The following CNTNAP2 variants were observed in gnomAD, a reference collection of about 807,000 sequenced individuals.
CNTNAP2 encodes the protein contactin associated protein 2, also known as contactin-associated protein-like 2.
CNTNAP2 carries 98 observed loss-of-function variants against 155.2 expected under a neutral mutation model. The ratio of observed to expected loss-of-function variants is 0.63; its 90% CI spans 0.54 to 0.75. The LOEUF is 0.75. Among genes scored for constraint, CNTNAP2 ranks in the 30% least tolerant of loss-of-function variants. The probability of loss-of-function intolerance (pLI) is 0.00; values close to 1 mark genes in which losing one functional copy is unlikely to be tolerated. For synonymous variants in CNTNAP2, 651 were observed against 631.2 expected (o/e 1.03, Z -0.47); for missense variants, 1,727 against 1,688.1 (o/e 1.02, Z -0.40).
chr7:148,148,061 G>GGAAAGGAAGGAA, intron 17 of CNTNAP2, among the ~76,000 whole-genome samples: 1 of 149,382 alleles, frequency 6.7e-6, no homozygotes, highest in East Asian at 2.0e-4. Flanking sequence ...CTGTGTGGAA[G>GGAAAGGAAGGAA]GAAAGGAAGG....
At chr7:147,345,080 G>A (rs1795831302) in intron 9 of CNTNAP2, among the ~76,000 whole-genome samples, 1 of 152,048 alleles carries the variant, frequency 6.6e-6, no homozygotes, top group East Asian at 1.9e-4. Context: ...ATTTAAGTAT[G>A]TGCCATGGGT....
At chr7:147,676,283 G>A (rs192917004) in intron 13 of CNTNAP2, among the ~76,000 whole-genome samples, 1 of 152,090 alleles carries the variant, frequency 6.6e-6, no homozygotes, top group Admixed American at 6.6e-5. Context: ...TTAGCAGTTA[G>A]CATTTAGTGT....
chr7:146,686,705 A>G (rs1368982924), intron 1 of CNTNAP2, among the ~76,000 whole-genome samples: 4 of 152,216 alleles, frequency 2.6e-5, no homozygotes, highest in African/African-American at 9.6e-5. Flanking sequence ...GGCTTGTCAC[A>G]TGGTTCTTAG....
At chr7:147,795,432 C>T (rs1268958512) in intron 13 of CNTNAP2, among the ~76,000 whole-genome samples, 4 of 152,014 alleles carry the variant, frequency 2.6e-5, no homozygotes, top group Non-Finnish European at 4.4e-5. Flanking sequence ...TTTATTACTG[C>T]TTTCACTGCA....
chr7:148,016,444 T>C (rs968142587), intron 15 of CNTNAP2, among the ~76,000 whole-genome samples: 1 of 152,166 alleles, frequency 6.6e-6, no homozygotes, highest in Admixed American at 6.5e-5. Context: ...TGACACCAGC[T>C]CCTGCACAGT....
At chr7:147,415,135 C>G (rs1277684025) in intron 10 of CNTNAP2, among the ~76,000 whole-genome samples, 2 of 152,010 alleles carry the variant, frequency 1.3e-5, no homozygotes, top group Non-Finnish European at 2.9e-5. Flanking sequence ...ATACCTCCCT[C>G]AAAATGTGGT....
intron 13 of CNTNAP2, among the ~76,000 whole-genome samples, chr7:147,822,822 G>C (rs1235893366): frequency 6.6e-6 from 1 of 152,152 alleles, no homozygotes; most frequent in Non-Finnish European, 1.5e-5. Context: ...GCCGTTTAAG[G>C]TGTGAGCTTT....
chr7:146,222,450 T>C (rs1331989774), intron 1 of CNTNAP2, among the ~76,000 whole-genome samples: 1 of 151,918 alleles, frequency 6.6e-6, no homozygotes, highest in Admixed American at 6.6e-5. Context: ...ATGGAATTCC[T>C]GGTAGAGAGG....
intron 10 of CNTNAP2, among the ~76,000 whole-genome samples, chr7:147,399,424 T>C (rs1334814575): frequency 6.6e-6 from 1 of 152,102 alleles, no homozygotes; most frequent in Non-Finnish European, 1.5e-5. Context: ...AGTAGTGAGA[T>C]GTGGCCAATT....
intron 3 of CNTNAP2, among the ~76,000 whole-genome samples, chr7:146,955,667 C>T (rs185303546): frequency 6.6e-6 from 1 of 151,930 alleles, no homozygotes; most frequent in South Asian, 2.1e-4. Context: ...CTTTTAAGAG[C>T]ATGTTACAAT....
intron 13 of CNTNAP2, among the ~76,000 whole-genome samples, chr7:147,726,586 G>C (rs897974313): frequency 1.3e-5 from 2 of 151,928 alleles, no homozygotes; most frequent in East Asian, 1.9e-4. Context: ...CAGCAGCAAG[G>C]GTCCGAGAAG....
At chr7:146,624,750 A>G (rs1035754019) in intron 1 of CNTNAP2, among the ~76,000 whole-genome samples, 1 of 151,946 alleles carries the variant, frequency 6.6e-6, no homozygotes, top group African/African-American at 2.4e-5. Context: ...GTTTGTTAAT[A>G]TCAGTAAGAT....
At chr7:147,403,868 C>G (rs189995341) in intron 10 of CNTNAP2, among the ~76,000 whole-genome samples, 136 of 152,100 alleles carry the variant, frequency 8.9e-4, no homozygotes, top group Admixed American at 2.0e-3. Flanking sequence ...GTTTTTATGA[C>G]AGATTTCCTT....
intron 3 of CNTNAP2, among the ~76,000 whole-genome samples, chr7:147,025,485 CGG>C (rs1798900336): frequency 1.7e-4 from 1 of 5,810 alleles, no homozygotes; most frequent in Non-Finnish European, 2.9e-4. Flanking sequence ...GGGGAGGGGA[CGG>C]GAGGGGAGGG....
At chr7:146,584,714 T>A (rs1006173050) in intron 1 of CNTNAP2, among the ~76,000 whole-genome samples, 1 of 152,202 alleles carries the variant, frequency 6.6e-6, no homozygotes, top group African/African-American at 2.4e-5. Flanking sequence ...TGTGTCTCAG[T>A]GGCCTGACCG....
chr7:148,149,387 A>T (rs1805254753), intron 17 of CNTNAP2, among the ~76,000 whole-genome samples: 1 of 152,218 alleles, frequency 6.6e-6, no homozygotes, highest in African/African-American at 2.4e-5. Flanking sequence ...GAACCATGGA[A>T]TATAAGGGAT....
rs1301597377 is a variant in CNTNAP2, at chr7:147,575,345, CTGTG to C, written c.1897+13094_1897+13097del. On this transcript the variant is annotated intron_variant, in intron 12 of 23. Transcript: ENST00000361727. ...TGTGTGTGTGTGTGTGTGTGAGAGA[CTGTG>C]TGTGTATTCCCTAGCTTTAGGGGTG... 4.2e-5 allele frequency among the ~76,000 whole-genome samples: 3 copies of C among 71,094 alleles called. No homozygotes were observed. In the South Asian group the frequency reaches 1.4e-3, roughly 32 times the overall value. 46.6% of individuals were successfully genotyped at this position (71,094 alleles called of 152,430 possible).
At chr7:146,732,344 T>G (rs1801540421) in intron 1 of CNTNAP2, among the ~76,000 whole-genome samples, 1 of 152,202 alleles carries the variant, frequency 6.6e-6, no homozygotes, top group African/African-American at 2.4e-5. Flanking sequence ...TTGTTTCAAC[T>G]TACCATAAAT....
chr7:147,599,368 A>G (rs1385462801), intron 12 of CNTNAP2, among the ~76,000 whole-genome samples: 1 of 151,830 alleles, frequency 6.6e-6, no homozygotes, highest in African/African-American at 2.4e-5. Context: ...GTGTAATCCC[A>G]GCTACTCGGG....
Sources: allele counts gnomAD v4.1 joint callset (sites outside exome capture counted in the v4.1 genomes callset), GRCh38; gene constraint gnomAD v4.1.1; transcripts MANE v1.5; gene names NCBI Gene and HGNC (gene_info 2026-07-23, HGNC 2026-07-21).